UBE2K: variants seen among roughly 807,000 people sequenced by gnomAD.
UBE2K encodes ubiquitin conjugating enzyme E2 K.
In UBE2K, 6 loss-of-function variants were observed where a neutral mutation model predicts 30.0. The ratio of observed to expected loss-of-function variants is 0.20; its 90% confidence interval spans 0.11 to 0.39. UBE2K has a LOEUF of 0.39. Among genes scored for constraint, UBE2K ranks in the 10% least tolerant of loss-of-function variants. The pLI, the probability that UBE2K is intolerant of heterozygous loss-of-function variation, is 1.00. For synonymous variants in UBE2K, 86 were observed against 83.7 expected (o/e 1.03, Z -0.15); for missense variants, 61 against 241.6 (o/e 0.25, Z 4.96).
At chr4:39,716,239 G>A (rs1719048925) in intron 1 of UBE2K, among the ~76,000 whole-genome samples, 1 of 151,754 alleles carries the variant, frequency 6.6e-6, no homozygotes, top group Non-Finnish European at 1.5e-5. Context: ...ATCTCAGGAT[G>A]GACTATTTAT....
intron 4 of UBE2K, among the ~76,000 whole-genome samples, chr4:39,765,131 C>T (rs866408403): frequency 2.6e-5 from 4 of 151,700 alleles, no homozygotes; most frequent in South Asian, 2.1e-4. Flanking sequence ...GTGATCCGCC[C>T]GCCTTGGCCT....
intron 1 of UBE2K, among the ~76,000 whole-genome samples, chr4:39,699,917 TAG>T (rs1005806823): frequency 6.6e-6 from 1 of 152,158 alleles, no homozygotes; most frequent in African/African-American, 2.4e-5. Flanking sequence ...AATGCAGAAA[TAG>T]AGTCATAAGT....
intron 1 of UBE2K, among the ~76,000 whole-genome samples, chr4:39,730,395 A>G (rs184461523): frequency 4.6e-4 from 70 of 152,202 alleles, no homozygotes; most frequent in African/African-American, 1.7e-3. Flanking sequence ...TATATGGCCC[A>G]GGCGGGTCTT....
chr4:39,758,896 A>G (rs1711675354), intron 4 of UBE2K, among the ~76,000 whole-genome samples: 1 of 152,212 alleles, frequency 6.6e-6, no homozygotes, highest in Non-Finnish European at 1.5e-5. Context: ...CATTTTTTAC[A>G]TCAACTATTC....
chr4:39,702,780 G>A (rs1166782970), intron 1 of UBE2K, among the ~76,000 whole-genome samples: 1 of 150,010 alleles, frequency 6.7e-6, no homozygotes, highest in Non-Finnish European at 1.5e-5. Context: ...TGTAGACCAT[G>A]GATTTTTTAA....
intron 4 of UBE2K, among the ~76,000 whole-genome samples, chr4:39,765,780 G>A (rs1352476428): frequency 6.6e-6 from 1 of 151,980 alleles, no homozygotes; most frequent in Non-Finnish European, 1.5e-5. Flanking sequence ...CTGCACTCCA[G>A]CCTGGGCAAC....
intron 3 of UBE2K, among the ~76,000 whole-genome samples, chr4:39,751,130 A>G (rs1470658331): frequency 6.7e-6 from 1 of 149,836 alleles, no homozygotes; most frequent in Non-Finnish European, 1.5e-5. Context: ...TCAAATAGGG[A>G]CGGGGTCTCA....
At chr4:39,722,881 C>T (rs191223867) in intron 1 of UBE2K, among the ~76,000 whole-genome samples, 8 of 148,872 alleles carry the variant, frequency 5.4e-5, no homozygotes, top group African/African-American at 1.5e-4. Flanking sequence ...CTGCAACCTT[C>T]GCCTCCCAGG....
chr4:39,707,531 A>T lies in UBE2K; in HGVS notation c.63+9141A>T, dbSNP rs1038503025. Reference sequence around the variant, plus strand: ...ACTGTATGAGGGAGGTTCTTGAGCTAGGTGCCTTTTTTTTTTTTTTGAGAT... The same window carrying T: ...ACTGTATGAGGGAGGTTCTTGAGCTTGGTGCCTTTTTTTTTTTTTTGAGAT... On this transcript the variant is annotated intron_variant, in intron 1 of 6. Coordinates refer to ENST00000261427, the MANE Select transcript of UBE2K (RefSeq NM_005339.5). 2.8e-4 allele frequency among the ~76,000 whole-genome samples: 42 copies of T among 147,412 alleles called. No individual in the cohort carries two copies. The East Asian group carries it at 3.9e-3, about 14-fold the overall frequency.
intron 1 of UBE2K, among the ~76,000 whole-genome samples, chr4:39,719,451 C>T (rs1249347351): frequency 6.6e-6 from 1 of 152,062 alleles, no homozygotes; most frequent in Non-Finnish European, 1.5e-5. Context: ...ATGTAGAAGC[C>T]TTAGTAATTT....
At chr4:39,757,003 TTTTTTTTGTTTTTTGTTTTTTGTTTTTTG>T (rs1721553589) in intron 4 of UBE2K, among the ~76,000 whole-genome samples, 1 of 137,608 alleles carries the variant, frequency 7.3e-6, no homozygotes, top group Non-Finnish European at 1.6e-5. Context: ...TTTGGGTGTT[TTTTTTTTGTTTTTTGTTTTTTGTTTTTTG>T]TTTTTTTTTT....
intron 1 of UBE2K, among the ~76,000 whole-genome samples, chr4:39,721,502 T>C (rs897087827): frequency 6.6e-6 from 1 of 152,010 alleles, no homozygotes; most frequent in Non-Finnish European, 1.5e-5. Flanking sequence ...TACAGGCACG[T>C]GCCACCACGC....
chr4:39,757,732 C>T (rs1057461466), intron 4 of UBE2K, among the ~76,000 whole-genome samples: 2 of 152,168 alleles, frequency 1.3e-5, no homozygotes, highest in African/African-American at 4.8e-5. Context: ...TCTAAAAGCT[C>T]TAAGATTCAG....
At chr4:39,740,694 C>T (rs1286557323) in intron 2 of UBE2K, among the ~76,000 whole-genome samples, 1 of 148,174 alleles carries the variant, frequency 6.7e-6, no homozygotes, top group Non-Finnish European at 1.5e-5. Flanking sequence ...AACCCCGTCT[C>T]TACTAAAAAT....
intron 1 of UBE2K, among the ~76,000 whole-genome samples, chr4:39,722,329 C>T (rs1719470303): frequency 1.3e-5 from 2 of 152,058 alleles, no homozygotes; most frequent in South Asian, 4.1e-4. Flanking sequence ...GTAAGAAGAT[C>T]CCAAGTGATG....
At chr4:39,760,248 C>G (rs972778911) in intron 4 of UBE2K, among the ~76,000 whole-genome samples, 1 of 146,594 alleles carries the variant, frequency 6.8e-6, no homozygotes. Flanking sequence ...CCAGTAATAT[C>G]TACCAAAGCT....
chr4:39,727,935 G>C (rs1231112141), intron 1 of UBE2K, among the ~76,000 whole-genome samples: 1 of 151,962 alleles, frequency 6.6e-6, no homozygotes, highest in African/African-American at 2.4e-5. Flanking sequence ...TTCGAGACCA[G>C]CCTGGCCAAT....
chr4:39,780,757 T>G lies in UBE2K; in HGVS notation c.*2323T>G, dbSNP rs1216557325. The stretch of plus-strand genomic sequence containing the variant: ...TGTTATTCTCTTGTCTGTGGGTAGA[T>G]TTAGTTACCCAAACATAGAAACTAA... On this transcript the variant is annotated 3_prime_UTR_variant, in exon 7 of 7. Coordinates refer to ENST00000261427, the MANE Select transcript of UBE2K (RefSeq NM_005339.5). 2 of 152,114 alleles carry G rather than the reference T, an allele frequency of 1.3e-5. No individual in the cohort carries two copies. Among genetic ancestry groups the G allele is most frequent in the Non-Finnish European group, 2.9e-5 (2 of 67,960 alleles). The allele number at this position is 152,114 out of a possible 1,614,324, so 9.4% of individuals were successfully genotyped here. A position where few individuals can be genotyped will look rare whatever the true frequency, so the allele number is the denominator to read the frequency against.
rs10650873 is a variant in UBE2K at position 39,732,672 on chromosome 4, C to CTTTTTT, written c.64-4733_64-4728dup. ...TGCTAACTTCTATAGCTTCTTCCCT[C>CTTTTTT]TTTTTTTTTTTTTTTTTTTTGGTGA... is the stretch of plus-strand genomic sequence containing the variant. On this transcript the variant is annotated intron_variant, in intron 1 of 6. Coordinates refer to ENST00000261427, the MANE Select transcript of UBE2K (RefSeq NM_005339.5). 1.2e-3 allele frequency among the ~76,000 whole-genome samples: 136 copies of CTTTTTT among 115,078 alleles called. 1 individual carries two copies. Among genetic ancestry groups the CTTTTTT allele is most frequent in the African/African-American group, 2.0e-3 (57 of 28,454 alleles). 75.5% of individuals were successfully genotyped at this position (115,078 alleles called of 152,430 possible).
Sources: gnomAD v4.1 joint callset for allele counts (sites outside exome capture counted in the v4.1 genomes callset) on GRCh38, gnomAD v4.1.1 for gene constraint, MANE v1.5 for transcripts, NCBI Gene and HGNC (gene_info 2026-07-23, HGNC 2026-07-21) for gene names.